The following NADSYN1 variants were observed in gnomAD, a reference collection of about 807,000 sequenced individuals.
NADSYN1 encodes glutamine-dependent NAD(+) synthetase.
Under a neutral mutation model 99.3 loss-of-function variants are expected in NADSYN1, and 80 were observed. That is an observed-to-expected ratio of 0.81 (90% CI 0.67 to 0.97). NADSYN1 has a LOEUF of 0.97. Ranked by LOEUF, NADSYN1 falls within the 50% of genes least tolerant of loss-of-function variation. The pLI is 0.00. For missense variants in NADSYN1, 859 were observed against 948.5 expected (o/e 0.91, Z 1.24); for synonymous variants, 385 against 372.1 (o/e 1.03, Z -0.40).
rs564698594 is a variant in NADSYN1, at chr11:71,473,472, G to C, written c.549-97G>C. ...GGGCCGTGGCCGTGGCCGTGGCCGT[G>C]GGCTGGGAGCTGCCGTGGGAGAGTG... On this transcript the variant is annotated intron_variant, in intron 7 of 20. Transcript: ENST00000319023. 2.4e-4 allele frequency: 364 copies of C among 1,532,092 alleles called. 1 individual carries two copies. The South Asian group carries it at 3.9e-3, about 16-fold the overall frequency. The allele number at this position is 1,532,092 out of a possible 1,614,324, so 94.9% of individuals were successfully genotyped here.
intron 2 of NADSYN1, 59 bp downstream of exon 2, chr11:71,455,229 C>T (rs749029778): frequency 8.9e-5 from 129 of 1,454,352 alleles, no homozygotes; most frequent in Non-Finnish European, 1.2e-4. Flanking sequence ...ATCAGTTTTC[C>T]CCAGCTGAGA....
At chr11:71,458,372 C>G in intron 2 of NADSYN1, 56 bp from the exon 3 acceptor site, 1 of 1,371,246 alleles carries the variant, frequency 7.3e-7, no homozygotes, top group Non-Finnish European at 1.0e-6. Context: ...ACAGGCCCTG[C>G]CCCTCCCCGC....
chr11:71,494,552 TGTTTTG>T (rs386754802), intron 18 of NADSYN1, among the ~76,000 whole-genome samples: 1 of 151,944 alleles, frequency 6.6e-6, no homozygotes, highest in South Asian at 2.1e-4. Context: ...TGTTTTGTTT[TGTTTTG>T]TTTCTGAGAT....
At chr11:71,481,733 T>C (rs1949709202) in intron 12 of NADSYN1, 190 bp from the exon 13 acceptor site, 3 of 611,660 alleles carry the variant, frequency 4.9e-6, no homozygotes, top group Non-Finnish European at 5.8e-6. Context: ...CAGTGAAGTG[T>C]CTTTTTTCCC....
rs563804543 is a variant in NADSYN1, at chr11:71,490,148, C to T, written c.1563-697C>T. 1.1e-4 allele frequency among the ~76,000 whole-genome samples: 16 copies of T among 152,292 alleles called. No homozygotes were observed. In the South Asian group the frequency reaches 1.7e-3, roughly 16 times the overall value. On this transcript the variant is annotated intron_variant, in intron 16 of 20. Transcript: ENST00000319023. ...GAGACCCTGGAGAGAATCTGTTTCC[C>T]GCCATTTCCAGCCTCTGGAGTCCCG...
intron 14 of NADSYN1, among the ~76,000 whole-genome samples, chr11:71,483,602 T>A (rs1026646217): frequency 3.9e-5 from 6 of 152,050 alleles, no homozygotes; most frequent in African/African-American, 1.5e-4. Flanking sequence ...CCATAATGGC[T>A]CCTAGGAGAA....
chr11:71,487,687 C>T (rs1056316075), intron 16 of NADSYN1, among the ~76,000 whole-genome samples: 6 of 151,644 alleles, frequency 4.0e-5, no homozygotes, highest in African/African-American at 7.3e-5. Context: ...AAAAATTAGC[C>T]GGGCGTGGTG....
chr11:71,482,828 T>C (rs1364718672), intron 13 of NADSYN1, 21 bp from the exon 14 acceptor site: 1 of 1,610,176 alleles, frequency 6.2e-7, no homozygotes, highest in Middle Eastern at 2.1e-4. Flanking sequence ...CTTCCACCCA[T>C]TCTGTCCTGG....
In NADSYN1 at chr11:71,473,640, G is replaced by T. The variant is rs137910047; in HGVS notation, c.620G>T (p.Arg207Leu). The change falls in exon 8 of 21, where the codon CGC (arginine) becomes CTC (leucine). Residue 207 changes from arginine (R) to leucine (L), a missense_variant. Transcript: ENST00000319023. ...TNASGSHQVL[R>L]KANTRVDLVT... Reference sequence around the variant, plus strand: ...GCCTCGGGCAGCCACCAAGTGCTGCGCAAAGCCAACACCAGGGTGGATCTC... The same window carrying T: ...GCCTCGGGCAGCCACCAAGTGCTGCTCAAAGCCAACACCAGGGTGGATCTC... 5 of 1,613,106 alleles carry T rather than the reference G, an allele frequency of 3.1e-6. No homozygotes were observed. The African/African-American group carries it at 5.3e-5, about 17-fold the overall frequency.
At position 71,478,454 on chromosome 11, in the gene NADSYN1, A is replaced by T. The variant is rs535588656; in HGVS notation, c.858A>T (p.Ser286=). 27 of 1,607,216 alleles carry T rather than the reference A, an allele frequency of 1.7e-5. No homozygotes were observed. Among genetic ancestry groups the T allele is most frequent in the Non-Finnish European group, 2.2e-5 (26 of 1,176,992 alleles). Residue 286 remains serine, a synonymous_variant, in exon 10 of 21, where the codon TCA becomes TCT. Coordinates refer to ENST00000319023, the MANE Select transcript of NADSYN1 (RefSeq NM_018161.5). ...EDVRSYRAEI[S]SRNLAASRAS... ...TCCGGAGCTACAGGGCGGAGATTTC[A>T]TCTCGAAACCTGGCGGTGAGTGCTC...
At chr11:71,456,030 G>GCAA (rs1292828226) in intron 2 of NADSYN1, among the ~76,000 whole-genome samples, 19 of 152,330 alleles carry the variant, frequency 1.2e-4, no homozygotes, top group African/African-American at 4.6e-4. Flanking sequence ...TGCCATCTGT[G>GCAA]CTCTGCTAGT....
intron 16 of NADSYN1, among the ~76,000 whole-genome samples, chr11:71,487,746 G>T (rs1265312082): frequency 6.7e-6 from 1 of 148,286 alleles, no homozygotes; most frequent in Non-Finnish European, 1.5e-5. Context: ...CAGGAGAATG[G>T]CATGAACCCA....
Position 71,453,215 on chromosome 11 carries a change from C to A in NADSYN1, c.-82C>A. 1 of 1,276,444 alleles carries A rather than the reference C, an allele frequency of 7.8e-7. No homozygotes were observed. Among genetic ancestry groups the A allele is most frequent in the Non-Finnish European group, 1.1e-6 (1 of 900,554 alleles). 79.1% of individuals were successfully genotyped at this position (1,276,444 alleles called of 1,614,324 possible). Reference sequence around the variant, plus strand: ...GGCGGGGCCGGGCAACCCGGAAGGTCCGGCGTCCCAGCCGCCTACCTCGCT... The same window carrying A: ...GGCGGGGCCGGGCAACCCGGAAGGTACGGCGTCCCAGCCGCCTACCTCGCT... On this transcript the variant is annotated 5_prime_UTR_variant, in exon 1 of 21. Transcript: ENST00000319023.
At position 71,480,842 on chromosome 11, in the gene NADSYN1, A is replaced by G; in HGVS notation, c.961A>G (p.Ile321Val). Residue 321 changes from isoleucine (I) to valine (V), a missense_variant, in exon 11 of 21, where the codon ATC becomes GTC. Ile to Val is a conservative substitution (Grantham distance 29). Coordinates refer to ENST00000319023, the MANE Select transcript of NADSYN1 (RefSeq NM_018161.5). ...EDLLAPISEP[I>V]EWKYHSPEEE... is the part of the protein sequence containing the mutation. Reference sequence around the variant, plus strand: ...CTTGCTGGCACCCATCTCTGAGCCCATCGAGTGGAAATACCACAGCCCTGA... The same window carrying G: ...CTTGCTGGCACCCATCTCTGAGCCCGTCGAGTGGAAATACCACAGCCCTGA... 1 of 1,614,172 alleles carries G rather than the reference A, an allele frequency of 6.2e-7. No individual in the cohort carries two copies. The highest frequency in any genetic ancestry group is 8.5e-7 in the Non-Finnish European group (1 of 1,180,018).
chr11:71,476,106 A>G (rs1233712304), intron 9 of NADSYN1: 1 of 456,176 alleles, frequency 2.2e-6, no homozygotes, highest in Non-Finnish European at 4.4e-6. Flanking sequence ...ACAAAAAGTA[A>G]CTTTTAGTTC....
At chr11:71,458,841 G>T in intron 3 of NADSYN1, 1 of 307,258 alleles carries the variant, frequency 3.3e-6, no homozygotes, top group Non-Finnish European at 6.4e-6. Context: ...CCCGTGCAGA[G>T]AGCTTGACTC....
At chr11:71,471,684 G>A (rs1302798377) in intron 5 of NADSYN1, among the ~76,000 whole-genome samples, 1 of 152,198 alleles carries the variant, frequency 6.6e-6, no homozygotes, top group Non-Finnish European at 1.5e-5. Flanking sequence ...ATGGGATGGC[G>A]AGGCAGCCTG....
At chr11:71,499,214 C>T (rs1288472403) in intron 20 of NADSYN1, 2 of 152,276 alleles carry the variant, frequency 1.3e-5, no homozygotes, top group African/African-American at 4.8e-5. Flanking sequence ...GCTGATTCCA[C>T]AGCTGTGCTG....
chr11:71,472,312 T>C lies in NADSYN1; in HGVS notation c.408-137T>C, dbSNP rs916146215. Reference sequence around the variant, plus strand: ...TACCTGAATGCGATTGTTTATTGCATTGGGGGGAACGCTTGGCAGTTCCTT... The same window carrying C: ...TACCTGAATGCGATTGTTTATTGCACTGGGGGGAACGCTTGGCAGTTCCTT... On this transcript the variant is annotated intron_variant, in intron 5 of 20. Transcript: ENST00000319023. The C allele has an allele frequency of 6.8e-5, 51 of 745,890 alleles. No individual in the cohort carries two copies. In the Admixed American group the frequency reaches 8.0e-4, roughly 12 times the overall value. 46.2% of individuals were successfully genotyped at this position (745,890 alleles called of 1,614,324 possible).
Sources: allele counts gnomAD v4.1 joint callset (sites outside exome capture counted in the v4.1 genomes callset), GRCh38; gene constraint gnomAD v4.1.1; transcripts MANE v1.5; gene names NCBI Gene and HGNC (gene_info 2026-07-23, HGNC 2026-07-21).